Variants in SORCS2 observed in about 807,000 individuals in gnomAD.
SORCS2 encodes the protein sortilin related VPS10 domain containing receptor 2, also known as VPS10 domain-containing receptor SorCS2.
A neutral mutation model predicts 141.6 loss-of-function variants in SORCS2; 100 were observed. The ratio of observed to expected loss-of-function variants is 0.71; its 90% CI spans 0.60 to 0.83. The LOEUF is 0.83. Ranked by LOEUF, SORCS2 falls within the 40% of genes least tolerant of loss-of-function variation. The probability of loss-of-function intolerance (pLI) is 0.00; values close to 1 mark genes in which losing one functional copy is unlikely to be tolerated. For missense variants in SORCS2, 1,646 were observed against 1,560.2 expected (o/e 1.05, Z -0.93); for synonymous variants, 789 against 676.9 (o/e 1.17, Z -2.57).
At chr4:7,444,152 G>A (rs1001638891) in intron 2 of SORCS2, among the ~76,000 whole-genome samples, 3 of 152,198 alleles carry the variant, frequency 2.0e-5, no homozygotes, top group African/African-American at 2.4e-5. Context: ...TTTCATACGC[G>A]TATTCAGCAA....
At chr4:7,606,370 T>C (rs1718064185) in intron 3 of SORCS2, among the ~76,000 whole-genome samples, 1 of 152,208 alleles carries the variant, frequency 6.6e-6, no homozygotes, top group Non-Finnish European at 1.5e-5. Flanking sequence ...CGATCGTCTC[T>C]GTGGCCGTCA....
intron 3 of SORCS2, among the ~76,000 whole-genome samples, chr4:7,553,360 TA>T (rs2109642001): frequency 1.3e-5 from 2 of 152,262 alleles, no homozygotes; most frequent in South Asian, 4.1e-4. Flanking sequence ...ACATTCTGTA[TA>T]AAAGATAAAA....
chr4:7,718,159 C>T lies in SORCS2; in HGVS notation c.2400C>T (p.Val800=). 6.2e-7 allele frequency: 1 copy of T among 1,611,124 alleles called. No individual in the cohort carries two copies. The highest frequency in any genetic ancestry group is 8.5e-7 in the Non-Finnish European group (1 of 1,179,238). The change falls in exon 18 of 27, where the codon GTC becomes GTT. Residue 800 remains valine, a synonymous_variant. Transcript: ENST00000507866. ...TGGCCGTGCGGCCTGGAGAGGACGT[C>T]CTGTTTGTGGTGCGGCAGGAGCAGG... ...EAVAVRPGED[V]LFVVRQEQGD...
chr4:7,359,801 A>G lies in SORCS2; in HGVS notation c.481-36487A>G, dbSNP rs902961252. Among the ~76,000 whole-genome samples the G allele has an allele frequency of 2.0e-5, 3 of 152,368 alleles. No homozygotes were observed. The South Asian group carries it at 6.2e-4, about 32-fold the overall frequency. On this transcript the variant is annotated intron_variant, in intron 1 of 26. Transcript: ENST00000507866. ...TAAATAGCACTTTAACCTGAAGAAT[A>G]CATATGGGCCACTAAGAGGCAGCCC... is the stretch of plus-strand genomic sequence containing the variant.
intron 11 of SORCS2, among the ~76,000 whole-genome samples, chr4:7,693,343 C>T (rs1724379924): frequency 6.6e-6 from 1 of 152,230 alleles, no homozygotes; most frequent in African/African-American, 2.4e-5. Flanking sequence ...CCCTGCACGG[C>T]CTGTGGCCAG....
intron 1 of SORCS2, among the ~76,000 whole-genome samples, chr4:7,337,316 C>T (rs867504927): frequency 3.9e-5 from 6 of 152,092 alleles, no homozygotes; most frequent in East Asian, 1.9e-4. Flanking sequence ...GTCTGCTGGC[C>T]GAGAGAAGCA....
intron 3 of SORCS2, among the ~76,000 whole-genome samples, chr4:7,578,210 C>T (rs1323942269): frequency 6.6e-6 from 1 of 152,222 alleles, no homozygotes; most frequent in African/African-American, 2.4e-5. Context: ...ATTTCTACTT[C>T]TATTTCCACC....
At chr4:7,532,115 G>T (rs1711710329) in intron 3 of SORCS2, among the ~76,000 whole-genome samples, 1 of 152,188 alleles carries the variant, frequency 6.6e-6, no homozygotes, top group East Asian at 1.9e-4. Flanking sequence ...CTGGCTGGCT[G>T]TACAATAGGA....
intron 8 of SORCS2, among the ~76,000 whole-genome samples, chr4:7,667,920 G>A (rs2108932238): frequency 6.6e-6 from 1 of 152,246 alleles, no homozygotes; most frequent in East Asian, 1.9e-4. Context: ...TAGAAACAAA[G>A]GCAGATCTCA....
chr4:7,541,853 AC>A (rs1190477049), intron 3 of SORCS2, among the ~76,000 whole-genome samples: 1 of 152,182 alleles, frequency 6.6e-6, no homozygotes, highest in Non-Finnish European at 1.5e-5. Flanking sequence ...ATAGAAACCA[AC>A]AGGAAAGCCG....
At chr4:7,574,789 C>T (rs1715638712) in intron 3 of SORCS2, among the ~76,000 whole-genome samples, 2 of 152,196 alleles carry the variant, frequency 1.3e-5, no homozygotes, top group South Asian at 2.1e-4. Context: ...GGGGCTGCCT[C>T]ATTCATCTGA....
At chr4:7,275,832 ACT>A (rs1350704878) in intron 1 of SORCS2, among the ~76,000 whole-genome samples, 1 of 151,656 alleles carries the variant, frequency 6.6e-6, no homozygotes, top group Non-Finnish European at 1.5e-5. Flanking sequence ...GGAGGGTCTG[ACT>A]CTCTCCTGTC....
chr4:7,549,961 T>C (rs1237913359), intron 3 of SORCS2, among the ~76,000 whole-genome samples: 4 of 152,314 alleles, frequency 2.6e-5, no homozygotes, highest in Non-Finnish European at 5.9e-5. Context: ...TGAGTTCTCA[T>C]ATTTGCTCCC....
intron 3 of SORCS2, among the ~76,000 whole-genome samples, chr4:7,622,297 T>C (rs916968777): frequency 6.6e-6 from 1 of 152,188 alleles, no homozygotes; most frequent in Non-Finnish European, 1.5e-5. Context: ...GTCTCGCCAC[T>C]GTATGTGCAT....
At chr4:7,377,989 C>T (rs1437264682) in intron 1 of SORCS2, among the ~76,000 whole-genome samples, 11 of 152,172 alleles carry the variant, frequency 7.2e-5, no homozygotes, top group Non-Finnish European at 1.5e-5. Flanking sequence ...TTTCTTCTCT[C>T]CAAATAAGTC....
intron 14 of SORCS2, 128 bp downstream of exon 14, chr4:7,704,412 C>T (rs1725285719): frequency 1.2e-6 from 1 of 828,366 alleles, no homozygotes. Flanking sequence ...TGCCCCAGGT[C>T]CCCTTGCTGG....
intron 2 of SORCS2, among the ~76,000 whole-genome samples, chr4:7,408,571 T>G (rs1272884560): frequency 1.3e-5 from 2 of 152,332 alleles, no homozygotes; most frequent in East Asian, 3.9e-4. Flanking sequence ...ATTATATGCC[T>G]TGGGGGTAGT....
At chr4:7,366,091 G>T (rs1721863389) in intron 1 of SORCS2, among the ~76,000 whole-genome samples, 1 of 152,186 alleles carries the variant, frequency 6.6e-6, no homozygotes, top group Non-Finnish European at 1.5e-5. Context: ...AATGCAGGAG[G>T]AGTGCCGGGG....
At position 7,192,901 on chromosome 4, in the gene SORCS2, G is replaced by A; in HGVS notation, c.255G>A (p.Gln85=). The A allele has an allele frequency of 8.6e-7, 1 of 1,161,726 alleles. No homozygotes were observed. The highest frequency in any genetic ancestry group is 1.1e-6 in the Non-Finnish European group (1 of 944,292). The allele number at this position is 1,161,726 out of a possible 1,614,324, so 72.0% of individuals were successfully genotyped here. ...RAEPGGGEDR[Q]ARGTEPGAPG... ...AGCCCGGTGGCGGCGAGGACCGGCA[G>A]GCGCGCGGCACGGAGCCAGGCGCCC... Residue 85 remains glutamine, a synonymous_variant, in exon 1 of 27, where the codon CAG becomes CAA. Transcript: ENST00000507866. This position sits in a 1 kb window ranked among gnomAD's most constrained non-coding sequence, Gnocchi z 4.0.
Sources: gnomAD v4.1 joint callset for allele counts (sites outside exome capture counted in the v4.1 genomes callset) on GRCh38, gnomAD v4.1.1 for gene constraint, Gnocchi (gnomAD v3.1) non-coding constraint, MANE v1.5 for transcripts, NCBI Gene and HGNC (gene_info 2026-07-23, HGNC 2026-07-21) for gene names.